Variants in APBB2 observed in about 807,000 individuals in gnomAD.
APBB2 encodes the protein amyloid beta precursor protein binding family B member 2.
In APBB2, 38 loss-of-function variants were observed where a neutral mutation model predicts 82.5. That is an observed-to-expected ratio of 0.46 (90% confidence interval 0.36 to 0.60). The LOEUF is 0.60. APBB2 is among the 20% of genes least tolerant of loss of function. APBB2 has a pLI of 0.00. For missense variants in APBB2, 772 were observed against 972.3 expected (o/e 0.79, Z 2.74); for synonymous variants, 341 against 368.2 (o/e 0.93, Z 0.85).
intron 4 of APBB2, among the ~76,000 whole-genome samples, chr4:41,038,101 A>C (rs1362305303): frequency 6.6e-6 from 1 of 152,140 alleles, no homozygotes; most frequent in African/African-American, 2.4e-5. Context: ...GTTAATGAAA[A>C]TTCTTAATGC....
At chr4:40,884,754 A>G (rs1164219701) in intron 12 of APBB2, among the ~76,000 whole-genome samples, 1 of 152,154 alleles carries the variant, frequency 6.6e-6, no homozygotes, top group African/African-American at 2.4e-5. Context: ...ACAGAGCAAG[A>G]CCCTGTCTCT....
intron 12 of APBB2, among the ~76,000 whole-genome samples, chr4:40,856,261 A>C (rs1438163145): frequency 6.6e-6 from 1 of 152,372 alleles, no homozygotes; most frequent in East Asian, 1.9e-4. Flanking sequence ...GCTACACATT[A>C]ATTAGGAATC....
intron 4 of APBB2, among the ~76,000 whole-genome samples, chr4:41,046,501 GA>G (rs1413482071): frequency 6.6e-6 from 1 of 152,146 alleles, no homozygotes; most frequent in African/African-American, 2.4e-5. Flanking sequence ...AGAATGAGAT[GA>G]AGCCTTAATA....
At chr4:41,017,387 G>A (rs1331750511) in intron 5 of APBB2, among the ~76,000 whole-genome samples, 1 of 152,102 alleles carries the variant, frequency 6.6e-6, no homozygotes, top group African/African-American at 2.4e-5. Context: ...GCTCAAAAGG[G>A]TCATGAAGTA....
chr4:40,936,637 T>C (rs1402451187), intron 7 of APBB2, among the ~76,000 whole-genome samples: 1 of 152,234 alleles, frequency 6.6e-6, no homozygotes, highest in African/African-American at 2.4e-5. Flanking sequence ...CTATTGCACA[T>C]GTGGTGTCAT....
intron 12 of APBB2, among the ~76,000 whole-genome samples, chr4:40,870,768 T>C (rs1194810806): frequency 6.9e-6 from 1 of 145,154 alleles, no homozygotes; most frequent in Non-Finnish European, 1.5e-5. Flanking sequence ...CAAGTCTCAC[T>C]CTCACCCATG....
At chr4:40,916,015 G>A (rs1026910922) in intron 10 of APBB2, among the ~76,000 whole-genome samples, 1 of 152,178 alleles carries the variant, frequency 6.6e-6, no homozygotes, top group South Asian at 2.1e-4. Flanking sequence ...AACACTCAGG[G>A]AAATGGTCCC....
At chr4:40,857,880 G>T (rs1162163873) in intron 12 of APBB2, among the ~76,000 whole-genome samples, 1 of 152,174 alleles carries the variant, frequency 6.6e-6, no homozygotes, top group African/African-American at 2.4e-5. Context: ...TGGGCAGAAA[G>T]ACAGAAACCA....
intron 16 of APBB2, 32 bp from the exon 17 acceptor site, chr4:40,822,082 G>A (rs1433150084): frequency 6.2e-7 from 1 of 1,610,870 alleles, no homozygotes; most frequent in Non-Finnish European, 8.5e-7. Flanking sequence ...ATCCAATCAG[G>A]AGATCCCAGG....
intron 1 of APBB2, among the ~76,000 whole-genome samples, chr4:41,159,441 G>A (rs1764290483): frequency 6.6e-6 from 1 of 152,136 alleles, no homozygotes; most frequent in Non-Finnish European, 1.5e-5. Flanking sequence ...AATCTGCCAA[G>A]ACAACAACCC....
At chr4:41,067,189 C>G (rs887668486) in intron 3 of APBB2, among the ~76,000 whole-genome samples, 1 of 152,170 alleles carries the variant, frequency 6.6e-6, no homozygotes, top group African/African-American at 2.4e-5. Flanking sequence ...GCAGGCGGAT[C>G]ACCTGAGGTC....
intron 6 of APBB2, among the ~76,000 whole-genome samples, chr4:40,990,957 G>GT (rs1407835169): frequency 1.3e-5 from 2 of 150,672 alleles, no homozygotes; most frequent in African/African-American, 4.9e-5. Context: ...GCAGGGAGGG[G>GT]TAAGATTTAC....
chr4:40,840,891 C>T (rs1755573965), intron 12 of APBB2, among the ~76,000 whole-genome samples: 1 of 152,186 alleles, frequency 6.6e-6, no homozygotes, highest in Admixed American at 6.5e-5. Flanking sequence ...TAGCGAACAC[C>T]TGAAAATGTC....
chr4:40,971,845 T>G (rs186708636), intron 6 of APBB2, among the ~76,000 whole-genome samples: 189 of 152,340 alleles, frequency 1.2e-3, no homozygotes, highest in African/African-American at 4.3e-3. Flanking sequence ...TGATCTACAT[T>G]CAAACCATTG....
intron 2 of APBB2, among the ~76,000 whole-genome samples, chr4:41,124,944 T>C (rs956076583): frequency 2.0e-5 from 3 of 152,204 alleles, no homozygotes; most frequent in African/African-American, 7.2e-5. Context: ...AACTTTGGGA[T>C]AGGGAGAAAA....
intron 3 of APBB2, among the ~76,000 whole-genome samples, chr4:41,071,698 T>A (rs572451293): frequency 7.1e-4 from 108 of 152,092 alleles, no homozygotes; most frequent in Admixed American, 1.2e-3. Context: ...ACAATTAAAA[T>A]TTTTTAAAAA....
intron 2 of APBB2, among the ~76,000 whole-genome samples, chr4:41,103,160 T>C (rs1373812662): frequency 6.6e-6 from 1 of 152,230 alleles, no homozygotes; most frequent in East Asian, 1.9e-4. Flanking sequence ...TTTCACAATG[T>C]TTACAATTAC....
rs139121394 is a variant in APBB2, at chr4:40,979,299, A to C, written c.836-34226T>G. On this transcript the variant is annotated intron_variant, in intron 6 of 17. Transcript: ENST00000508593. The stretch of plus-strand genomic sequence containing the variant: ...TACAACAGACAATCTTTGGACACAT[A>C]AAAGAATTCTAAGATGGCCCTAAGA... Among the ~76,000 whole-genome samples the C allele has an allele frequency of 2.5e-3, 385 of 152,328 alleles. 2 individuals carry two copies. Among genetic ancestry groups the C allele is most frequent in the African/African-American group, 8.6e-3 (356 of 41,570 alleles).
intron 3 of APBB2, among the ~76,000 whole-genome samples, chr4:41,066,873 G>A (rs1286416482): frequency 6.6e-6 from 1 of 152,086 alleles, no homozygotes; most frequent in Non-Finnish European, 1.5e-5. Context: ...TTCTCTGGGT[G>A]GATTTGAAGG....
Sources: allele counts gnomAD v4.1 joint callset (sites outside exome capture counted in the v4.1 genomes callset), GRCh38; gene constraint gnomAD v4.1.1; transcripts MANE v1.5; gene names NCBI Gene and HGNC (gene_info 2026-07-23, HGNC 2026-07-21).